The following QRICH1 variants were observed in gnomAD, a reference collection of about 807,000 sequenced individuals.
The protein encoded by QRICH1 is glutamine rich 1, also known as transcriptional regulator QRICH1.
A neutral mutation model predicts 87.1 loss-of-function variants in QRICH1; 16 were observed. The observed-to-expected ratio is 0.18, with a 90% CI of 0.12 to 0.28. The LOEUF is 0.28. Ranked by LOEUF, QRICH1 falls within the 10% of genes least tolerant of loss-of-function variation. The probability of loss-of-function intolerance (pLI) is 1.00; values close to 1 mark genes in which losing one functional copy is unlikely to be tolerated. For synonymous variants in QRICH1, 367 were observed against 368.4 expected, an observed-to-expected ratio of 1.00 and a Z score of 0.05; for missense variants, 647 against 951.7, an observed-to-expected ratio of 0.68 and a Z score of 4.21.
intron 2 of QRICH1, among the ~76,000 whole-genome samples, chr3:49,075,158 CAA>C (rs879670710): frequency 2.5e-5 from 3 of 121,198 alleles, no homozygotes; most frequent in Non-Finnish European, 3.5e-5. Context: ...TATATCTCTA[CAA>C]AAAAAAAAAA....
At chr3:49,078,385 CCTT>C (rs2041993017) in intron 1 of QRICH1, among the ~76,000 whole-genome samples, 1 of 109,964 alleles carries the variant, frequency 9.1e-6, no homozygotes, top group Non-Finnish European at 1.8e-5. Context: ...AATTATGGTT[CCTT>C]TTTTTTTTTT....
Position 49,030,159 on chromosome 3 carries a change from G to C in QRICH1, c.*293C>G, listed in dbSNP as rs1305232708. The C allele has an allele frequency of 2.0e-6, 1 of 499,062 alleles. No homozygotes were observed. The highest frequency in any genetic ancestry group is 3.5e-6 in the Non-Finnish European group (1 of 285,016). The allele number at this position is 499,062 out of a possible 1,614,324, so 30.9% of individuals were successfully genotyped here. On this transcript the variant is annotated 3_prime_UTR_variant, in exon 10 of 10. Coordinates refer to ENST00000395443, the MANE Select transcript of QRICH1 (RefSeq NM_198880.3). ...GAAAGGGGCCACATTTCTTTTCACA[G>C]TCCAAGCCCTTTCCCCAGGCCCCAG...
chr3:49,032,478 A>T, intron 8 of QRICH1, 144 bp downstream of exon 8: 1 of 1,163,956 alleles, frequency 8.6e-7, no homozygotes, highest in South Asian at 1.6e-5. Flanking sequence ...GAAAGTTTGG[A>T]ATTTTTGGCT....
At chr3:49,067,039 AAAAG>A (rs993750819) in intron 2 of QRICH1, among the ~76,000 whole-genome samples, 3 of 152,002 alleles carry the variant, frequency 2.0e-5, no homozygotes, top group Non-Finnish European at 4.4e-5. Context: ...GTCTCAAAAA[AAAAG>A]AGAGAGAGAA....
intron 9 of QRICH1, among the ~76,000 whole-genome samples, chr3:49,031,263 C>T (rs1021787588): frequency 3.9e-5 from 6 of 152,208 alleles, no homozygotes; most frequent in Admixed American, 3.3e-4. Flanking sequence ...GCTTGGATTA[C>T]AGGCGTGAGC....
At chr3:49,072,844 C>A (rs1046992298) in intron 2 of QRICH1, among the ~76,000 whole-genome samples, 3 of 151,984 alleles carry the variant, frequency 2.0e-5, no homozygotes, top group Non-Finnish European at 4.4e-5. Context: ...GAGTTCAACA[C>A]CAGCCTGAGC....
At chr3:49,065,986 A>G (rs1051047030) in intron 2 of QRICH1, among the ~76,000 whole-genome samples, 7 of 152,092 alleles carry the variant, frequency 4.6e-5, no homozygotes, top group African/African-American at 1.7e-4. Flanking sequence ...TTGAACTACC[A>G]TTTGTGAATC....
At chr3:49,092,651 A>G (rs1476765989) in intron 1 of QRICH1, among the ~76,000 whole-genome samples, 1 of 152,186 alleles carries the variant, frequency 6.6e-6, no homozygotes, top group Non-Finnish European at 1.5e-5. Flanking sequence ...TCAAACTAGC[A>G]GATGTTTTGT....
chr3:49,033,298 T>C, intron 6 of QRICH1, 70 bp from the exon 7 acceptor site: 4 of 968,356 alleles, frequency 4.1e-6, no homozygotes, highest in Non-Finnish European at 5.8e-6. Flanking sequence ...ATATGGGATG[T>C]GTGAAGCATA....
rs1055224148 is a variant in QRICH1 at position 49,030,037 on chromosome 3, C to A, written c.*415G>T. On this transcript the variant is annotated 3_prime_UTR_variant, in exon 10 of 10. Coordinates refer to ENST00000395443, the MANE Select transcript of QRICH1 (RefSeq NM_198880.3). The stretch of plus-strand genomic sequence containing the variant: ...CATGAAGAAAGAAAAGAACATCGTT[C>A]CCCTGTGGTCAGCAAAGTCTGTCAG... 2.8e-5 allele frequency: 8 copies of A among 282,210 alleles called. No homozygotes were observed. The highest frequency in any genetic ancestry group is 5.2e-5 in the Non-Finnish European group (8 of 152,688). The allele number at this position is 282,210 out of a possible 1,614,324, so 17.5% of individuals were successfully genotyped here.
At chr3:49,033,070 C>T (rs2093251981) in intron 7 of QRICH1, 50 bp downstream of exon 7, 2 of 1,337,422 alleles carry the variant, frequency 1.5e-6, no homozygotes, top group East Asian at 2.6e-5. Context: ...GGATAGCTTC[C>T]ACACTCTTCA....
At chr3:49,075,549 T>G (rs2041934640) in intron 2 of QRICH1, among the ~76,000 whole-genome samples, 1 of 152,222 alleles carries the variant, frequency 6.6e-6, no homozygotes. Context: ...GAGAATCGCT[T>G]GAACCCAAGA....
At position 49,057,591 on chromosome 3, in the gene QRICH1, C is replaced by A; in HGVS notation, c.609G>T (p.Gln203His). The A allele has an allele frequency of 6.2e-7, 1 of 1,613,802 alleles. No homozygotes were observed. The highest frequency in any genetic ancestry group is 2.2e-5 in the East Asian group (1 of 44,878). The change falls in exon 3 of 10, where the codon CAG becomes CAT. Residue 203 changes from glutamine (Q) to histidine (H), a missense_variant. Around this residue, in one of 7 missense-constraint regions of QRICH1, gnomAD observed 156 missense variants for 164.5 expected, o/e 0.95. Transcript: ENST00000395443. This position sits in a 1 kb window ranked among gnomAD's most constrained non-coding sequence, Gnocchi z 5.4. ...QQIQAQLVAG[Q>H]SLAGGQQIQI... ...GGATCTGCTGACCACCAGCAAGAGA[C>A]TGGCCAGCCACCAGCTGAGCCTGGA...
chr3:49,059,180 T>G (rs546985456), intron 2 of QRICH1, among the ~76,000 whole-genome samples: 20 of 151,060 alleles, frequency 1.3e-4, no homozygotes, highest in Admixed American at 7.9e-4. Context: ...TTAGCCAGGA[T>G]GGTCTCCATC....
chr3:49,066,654 C>A (rs1171183044), intron 2 of QRICH1, among the ~76,000 whole-genome samples: 1 of 151,928 alleles, frequency 6.6e-6, no homozygotes. Context: ...TTAGTTGAGA[C>A]AAGGTTTCAC....
intron 2 of QRICH1, among the ~76,000 whole-genome samples, chr3:49,063,171 ATATT>A (rs1322886925): frequency 3.3e-5 from 5 of 152,212 alleles, no homozygotes; most frequent in African/African-American, 1.2e-4. Flanking sequence ...ACATAAAATA[ATATT>A]TAGTTACAGA....
intron 6 of QRICH1, among the ~76,000 whole-genome samples, chr3:49,034,621 G>A (rs2093263474): frequency 6.6e-6 from 1 of 152,098 alleles, no homozygotes; most frequent in South Asian, 2.1e-4. Flanking sequence ...CAATATGCCA[G>A]TATTTGAACT....
intron 2 of QRICH1, among the ~76,000 whole-genome samples, chr3:49,061,940 A>T (rs536001972): frequency 5.1e-4 from 78 of 152,328 alleles, no homozygotes; most frequent in African/African-American, 1.9e-3. Flanking sequence ...AATCAAAGCC[A>T]CAATGAGAAA....
rs555634193 is a variant in QRICH1, at chr3:49,043,465, C to T, written c.1786+925G>A. Among the ~76,000 whole-genome samples the T allele has an allele frequency of 1.1e-3, 144 of 125,274 alleles. 1 individual carries two copies. In the Middle Eastern group the frequency reaches 0.021, roughly 18 times the overall value. The allele number at this position is 125,274 out of a possible 152,430, so 82.2% of individuals were successfully genotyped here. Reference sequence around the variant, plus strand: ...GAGCCAAGATCACACCATTGCACTCCAGCCTGGGCAACAAGAGCAAAACTC... The same window carrying T: ...GAGCCAAGATCACACCATTGCACTCTAGCCTGGGCAACAAGAGCAAAACTC... On this transcript the variant is annotated intron_variant, in intron 6 of 9. Coordinates refer to ENST00000395443, the MANE Select transcript of QRICH1 (RefSeq NM_198880.3).
Sources: gnomAD v4.1 joint callset for allele counts (sites outside exome capture counted in the v4.1 genomes callset) on GRCh38, gnomAD v4.1.1 for gene constraint, gnomAD v4.1.1 regional missense constraint, Gnocchi (gnomAD v3.1) non-coding constraint, MANE v1.5 for transcripts, NCBI Gene and HGNC (gene_info 2026-07-23, HGNC 2026-07-21) for gene names.